MGRN1: variants seen among roughly 807,000 people sequenced by gnomAD.
The protein encoded by MGRN1 is mahogunin ring finger 1.
In MGRN1, 29 loss-of-function variants were observed where a neutral mutation model predicts 69.2. That is an observed-to-expected ratio of 0.42 (90% CI 0.31 to 0.57). MGRN1 has a LOEUF of 0.57. MGRN1 is among the 20% of genes least tolerant of loss of function. The pLI, the probability that MGRN1 is intolerant of heterozygous loss-of-function variation, is 0.15. For missense variants in MGRN1, 998 were observed against 796.2 expected, an observed-to-expected ratio of 1.25 and a Z score of -3.05; for synonymous variants, 470 against 344.2, an observed-to-expected ratio of 1.37 and a Z score of -4.04.
At chr16:4,644,375 A>G (rs1314663007) in intron 1 of MGRN1, among the ~76,000 whole-genome samples, 2 of 148,144 alleles carry the variant, frequency 1.4e-5, no homozygotes, top group African/African-American at 5.1e-5. Flanking sequence ...AGCTGGCCCA[A>G]TCTCAGCTCA....
In MGRN1 at chr16:4,682,960, G is replaced by T; in HGVS notation, c.1482+14G>T. 1 of 1,542,726 alleles carries T rather than the reference G, an allele frequency of 6.5e-7. No homozygotes were observed. The highest frequency in any genetic ancestry group is 1.2e-5 in the South Asian group (1 of 83,154). ...AGCTCCCCTGAGGTGAGGCCCCCCC[G>T]GGGAAGCTTTGCGCACCCGCCCGGG... On this transcript the variant is annotated intron_variant, in intron 14 of 16. Coordinates refer to ENST00000262370, the MANE Select transcript of MGRN1 (RefSeq NM_015246.4).
chr16:4,673,376 TTC>T (rs1366531510), intron 9 of MGRN1, 120 bp from the exon 10 acceptor site: 2 of 1,343,576 alleles, frequency 1.5e-6, no homozygotes, highest in African/African-American at 2.9e-5. Flanking sequence ...CCCTCTGGAC[TTC>T]TCTTTGTCAT....
intron 1 of MGRN1, among the ~76,000 whole-genome samples, chr16:4,630,284 G>A (rs1185090120): frequency 6.6e-6 from 1 of 150,514 alleles, no homozygotes; most frequent in African/African-American, 2.4e-5. Context: ...CCCGGAGCGC[G>A]GCAGAGGTTG....
intron 4 of MGRN1, among the ~76,000 whole-genome samples, chr16:4,653,497 GT>G (rs942763008): frequency 6.6e-6 from 1 of 151,374 alleles, no homozygotes; most frequent in Non-Finnish European, 1.5e-5. Flanking sequence ...TTTTTGTTTT[GT>G]TTTGTTTTGA....
At chr16:4,673,749 G>C (rs139248700) in intron 10 of MGRN1, 92 bp downstream of exon 10, 2 of 1,449,032 alleles carry the variant, frequency 1.4e-6, no homozygotes, top group East Asian at 2.3e-5. Flanking sequence ...CCACAGGTCC[G>C]TTGATGGCTA....
In MGRN1 at chr16:4,689,142, A is replaced by G. The variant is rs934943088; in HGVS notation, c.*234A>G. 4 of 558,108 alleles carry G rather than the reference A, an allele frequency of 7.2e-6. No homozygotes were observed. Among genetic ancestry groups the G allele is most frequent in the Admixed American group, 3.7e-5 (1 of 27,198 alleles). The allele number at this position is 558,108 out of a possible 1,614,324, so 34.6% of individuals were successfully genotyped here. A position where few individuals can be genotyped will look rare whatever the true frequency, so the allele number is the denominator to read the frequency against. On this transcript the variant is annotated 3_prime_UTR_variant, in exon 17 of 17. Transcript: ENST00000262370. ...ACAAGATGAAGGACAGCAGCTTTCC[A>G]TCCCTAGTTCAGAGCCCCCGTTCCC...
At chr16:4,642,172 C>A (rs2078174474) in intron 1 of MGRN1, among the ~76,000 whole-genome samples, 1 of 151,232 alleles carries the variant, frequency 6.6e-6, no homozygotes, top group South Asian at 2.1e-4. Context: ...GCTCTTTCGC[C>A]CAGGCTGGAG....
At position 4,673,518 on chromosome 16, in the gene MGRN1, C is replaced by G. The variant is rs367993132; in HGVS notation, c.816C>G (p.Ser272Arg). The G allele has an allele frequency of 1.2e-6, 2 of 1,613,308 alleles. No individual in the cohort carries two copies. Among genetic ancestry groups the G allele is most frequent in the Non-Finnish European group, 1.7e-6 (2 of 1,179,946 alleles). Residue 272 changes from serine to arginine, a missense_variant, in exon 10 of 17, where the codon AGC becomes AGG. Ser to Arg is a moderately radical substitution (Grantham distance 110). Transcript: ENST00000262370. The stretch of plus-strand genomic sequence containing the variant: ...GGCAGCCCTCGGACGACGAGAACAG[C>G]GACAACAGCAACGAGTGTGTGGTGT... ...QETKPSDDEN[S>R]DNSNECVVCL...
chr16:4,664,872 C>G, intron 6 of MGRN1, 97 bp downstream of exon 6: 3 of 1,498,140 alleles, frequency 2.0e-6, no homozygotes. Flanking sequence ...TGAAGCAGGC[C>G]AGGCATAGGG....
Position 4,660,052 on chromosome 16 carries a change from C to CT in MGRN1, c.561+2690dup, listed in dbSNP as rs1406392968. On this transcript the variant is annotated intron_variant, in intron 5 of 16. Transcript: ENST00000262370. ...AGGGAGACGCTTCCCCGAAGAGAAC[C>CT]TGAGGGGCTCAGATGCTGGGCCAGG... is the stretch of plus-strand genomic sequence containing the variant. Among the ~76,000 whole-genome samples, 123 of 152,342 alleles carry CT rather than the reference C, an allele frequency of 8.1e-4. 1 individual carries two copies. The highest frequency in any genetic ancestry group is 2.7e-3 in the African/African-American group (112 of 41,590).
chr16:4,667,059 G>T (rs555676706), intron 7 of MGRN1, among the ~76,000 whole-genome samples: 1 of 152,212 alleles, frequency 6.6e-6, no homozygotes, highest in African/African-American at 2.4e-5. Context: ...GCAGGTCTGC[G>T]TGGCACCATC....
At chr16:4,682,701 G>A in intron 13 of MGRN1, 122 bp from the exon 14 acceptor site, 10 of 1,177,122 alleles carry the variant, frequency 8.5e-6, no homozygotes, top group Non-Finnish European at 1.1e-5. Context: ...TCCAGGGAGT[G>A]TCCTTGCGTG....
chr16:4,626,215 G>C (rs1324712887), intron 1 of MGRN1, among the ~76,000 whole-genome samples: 2 of 152,358 alleles, frequency 1.3e-5, no homozygotes, highest in African/African-American at 4.8e-5. Context: ...GCACTCTGAA[G>C]GGGATGGACT....
At chr16:4,675,959 C>G (rs1014112694) in intron 10 of MGRN1, among the ~76,000 whole-genome samples, 1 of 152,222 alleles carries the variant, frequency 6.6e-6, no homozygotes, top group Non-Finnish European at 1.5e-5. Flanking sequence ...AGGCCCTTGC[C>G]CTGGATCCTG....
chr16:4,662,098 C>A (rs951765488), intron 5 of MGRN1, among the ~76,000 whole-genome samples: 1 of 152,182 alleles, frequency 6.6e-6, no homozygotes, highest in Admixed American at 6.5e-5. Context: ...TTGTCCCCGT[C>A]CCCTTCTCCT....
intron 9 of MGRN1, chr16:4,672,308 A>T (rs1181083866): frequency 4.4e-6 from 2 of 455,950 alleles, no homozygotes; most frequent in Non-Finnish European, 8.8e-6. Context: ...CAGCCTCCCA[A>T]AGTGCTGGGA....
chr16:4,668,468 CG>C (rs2078856461), intron 8 of MGRN1, among the ~76,000 whole-genome samples, 156 bp downstream of exon 8: 1 of 151,654 alleles, frequency 6.6e-6, no homozygotes, highest in Non-Finnish European at 1.5e-5. Flanking sequence ...CACATATATA[CG>C]GACACACATA....
At position 4,689,352 on chromosome 16, in the gene MGRN1, G is replaced by A. The variant is rs889538997; in HGVS notation, c.*444G>A. 1.1e-4 allele frequency: 18 copies of A among 158,156 alleles called. No homozygotes were observed. The highest frequency in any genetic ancestry group is 3.1e-3 in the Middle Eastern group (1 of 324). 9.8% of individuals were successfully genotyped at this position (158,156 alleles called of 1,614,324 possible). A position where few individuals can be genotyped will look rare whatever the true frequency, so the allele number is the denominator to read the frequency against. On this transcript the variant is annotated 3_prime_UTR_variant, in exon 17 of 17. Coordinates refer to ENST00000262370, the MANE Select transcript of MGRN1 (RefSeq NM_015246.4). ...AGGGGCAGTGGGGGGCTCCAGGCAC[G>A]GTCAATGAAGGAAACAGTGCCTGTC... is the stretch of plus-strand genomic sequence containing the variant.
intron 7 of MGRN1, among the ~76,000 whole-genome samples, chr16:4,666,544 C>A (rs984898576): frequency 4.6e-5 from 7 of 152,198 alleles, no homozygotes; most frequent in Non-Finnish European, 8.8e-5. Context: ...GGGGCTCCCA[C>A]AAGGAGGGCT....
Sources: allele counts gnomAD v4.1 joint callset (sites outside exome capture counted in the v4.1 genomes callset), GRCh38; gene constraint gnomAD v4.1.1; transcripts MANE v1.5; gene names NCBI Gene and HGNC (gene_info 2026-07-23, HGNC 2026-07-21).